SLC30A8: variants seen among roughly 807,000 people sequenced by gnomAD.
SLC30A8 encodes solute carrier family 30 member 8, also known as proton-coupled zinc antiporter SLC30A8.
SLC30A8 carries 27 observed loss-of-function variants against 36.9 expected under a neutral mutation model. The observed-to-expected ratio is 0.73, with a 90% CI of 0.54 to 1.01. The LOEUF is 1.01. Ranked by LOEUF, SLC30A8 falls within the 50% of genes least tolerant of loss-of-function variation. The pLI, the probability that SLC30A8 is intolerant of heterozygous loss-of-function variation, is 0.00. For synonymous variants in SLC30A8, 164 were observed against 172.4 expected, an observed-to-expected ratio of 0.95 and a Z score of 0.38; for missense variants, 439 against 452.0, an observed-to-expected ratio of 0.97 and a Z score of 0.26.
chr8:117,101,926 C>A (rs1819739295), intron 2 of SLC30A8, among the ~76,000 whole-genome samples: 1 of 152,152 alleles, frequency 6.6e-6, no homozygotes, highest in Admixed American at 6.6e-5. Flanking sequence ...CCTTAATAAA[C>A]TCCCCTTTAT....
chr8:117,012,684 A>ATG (rs141407793), intron 1 of SLC30A8, among the ~76,000 whole-genome samples: 3,308 of 133,402 alleles, frequency 0.025, 135 homozygotes, highest in African/African-American at 0.085. Flanking sequence ...GTGTGTGTGC[A>ATG]TGTGTGTGTG....
intron 1 of SLC30A8, among the ~76,000 whole-genome samples, chr8:117,011,258 C>T (rs1381961362): frequency 6.6e-6 from 1 of 152,198 alleles, no homozygotes; most frequent in Non-Finnish European, 1.5e-5. Flanking sequence ...AGTATGTGAA[C>T]CAACTCTCTT....
chr8:117,057,020 C>T (rs962482618), intron 2 of SLC30A8, among the ~76,000 whole-genome samples: 11 of 152,150 alleles, frequency 7.2e-5, no homozygotes, highest in African/African-American at 4.8e-5. Context: ...CCTTAGTCCA[C>T]TAGGGCTGCT....
intron 2 of SLC30A8, among the ~76,000 whole-genome samples, chr8:117,090,269 A>G (rs949170860): frequency 6.6e-6 from 1 of 152,082 alleles, no homozygotes; most frequent in African/African-American, 2.4e-5. Flanking sequence ...GCCAACTCCT[A>G]ATAAATTTTT....
intron 2 of SLC30A8, among the ~76,000 whole-genome samples, chr8:117,106,241 T>G (rs6998536): frequency 0.23 from 34,659 of 152,156 alleles, 4,110 homozygotes; most frequent in East Asian, 0.33. Flanking sequence ...TACTTAGTAT[T>G]ACTGTGGAAG....
In SLC30A8 at chr8:117,165,774, T is replaced by C. The variant is rs111454761; in HGVS notation, c.829+2244T>C. 3.1e-3 allele frequency among the ~76,000 whole-genome samples: 470 copies of C among 152,282 alleles called. 1 individual carries two copies. The highest frequency in any genetic ancestry group is 0.011 in the African/African-American group (451 of 41,548). On this transcript the variant is annotated intron_variant, in intron 6 of 7. Transcript: ENST00000456015. ...ATGGATCAAGAAAATGCAGTGTATATACACAATGGAATACTATTCAGCTAT... is the reference window on the plus strand; with the variant it reads ...ATGGATCAAGAAAATGCAGTGTATACACACAATGGAATACTATTCAGCTAT...
chr8:117,027,951 A>G lies in SLC30A8; in HGVS notation c.-265-11268A>G, dbSNP rs546130175. 1.2e-4 allele frequency among the ~76,000 whole-genome samples: 19 copies of G among 152,310 alleles called. No homozygotes were observed. In the South Asian group the frequency reaches 3.7e-3, roughly 30 times the overall value. ...AGCTGCTTCACGTATAAAATATTTC[A>G]TAGGATTATCCTGAGCTTAATTAAG... On this transcript the variant is annotated intron_variant, in intron 1 of 10. Coordinates refer to the SLC30A8 transcript ENST00000427715.
At position 117,038,268 on chromosome 8, in the gene SLC30A8, T is replaced by C. The variant is rs1295445159; in HGVS notation, c.-265-951T>C. Among the ~76,000 whole-genome samples the C allele has an allele frequency of 2.0e-5, 3 of 152,252 alleles. No individual in the cohort carries two copies. In the East Asian group the frequency reaches 5.8e-4, roughly 29 times the overall value. On this transcript the variant is annotated intron_variant, in intron 1 of 10. Transcript: ENST00000427715. ...CCCAGAGACAATTATTATTTCTAGC[T>C]TATTGTACATCTTTTTTTATTTTTA...
chr8:117,157,628 G>GGGTGTA, intron 3 of SLC30A8, 63 bp from the exon 4 acceptor site: 2 of 1,582,976 alleles, frequency 1.3e-6, no homozygotes, highest in South Asian at 1.1e-5. Context: ...TGACTCTTGG[G>GGGTGTA]GGTGTAGGTG....
chr8:116,979,191 A>AT (rs1272931486), intron 1 of SLC30A8, among the ~76,000 whole-genome samples: 2 of 128,656 alleles, frequency 1.6e-5, no homozygotes, highest in Non-Finnish European at 3.1e-5. Flanking sequence ...GTAAGCAGTG[A>AT]TTTTGCCATT....
intron 2 of SLC30A8, among the ~76,000 whole-genome samples, chr8:117,065,601 G>A (rs1398175298): frequency 3.3e-5 from 5 of 151,696 alleles, no homozygotes; most frequent in African/African-American, 1.2e-4. Context: ...TAATTCTTTG[G>A]AACTATCTCC....
At chr8:116,962,724 C>T (rs1814466208) in intron 1 of SLC30A8, among the ~76,000 whole-genome samples, 5 of 151,978 alleles carry the variant, frequency 3.3e-5, no homozygotes, top group Admixed American at 2.6e-4. Context: ...TCTAAAGGTG[C>T]TGCTTTTCAT....
In SLC30A8 at chr8:117,175,135, T is replaced by TTTAAG. The variant is rs2057659268; in HGVS notation, c.*2457_*2461dup. On this transcript the variant is annotated 3_prime_UTR_variant, in exon 8 of 8. Coordinates refer to ENST00000456015, the MANE Select transcript of SLC30A8 (RefSeq NM_173851.3). ...TGTCTTTTTTTTGTTATTGTTATAC[T>TTTAAG]TTAAGTTCTGGGGTACATGTGCGGA... 6.6e-6 allele frequency: 1 copy of TTTAAG among 152,132 alleles called. No individual in the cohort carries two copies. 9.4% of individuals were successfully genotyped at this position (152,132 alleles called of 1,614,324 possible). A position where few individuals can be genotyped will look rare whatever the true frequency, so the allele number is the denominator to read the frequency against.
intron 2 of SLC30A8, among the ~76,000 whole-genome samples, chr8:117,110,240 A>G (rs761667377): frequency 3.3e-5 from 5 of 151,904 alleles, no homozygotes; most frequent in Non-Finnish European, 7.4e-5. Flanking sequence ...TGAATTTTAT[A>G]GAGACTCAGC....
chr8:117,023,679 C>T (rs1364128439), intron 1 of SLC30A8, among the ~76,000 whole-genome samples: 1 of 137,080 alleles, frequency 7.3e-6, no homozygotes, highest in Non-Finnish European at 1.5e-5. Context: ...AATGAGAACT[C>T]ATGGACACAG....
In SLC30A8 at chr8:117,171,044, G is replaced by A; in HGVS notation, c.840G>A (p.Lys280=). The A allele has an allele frequency of 6.3e-7, 1 of 1,597,058 alleles. No homozygotes were observed. The highest frequency in any genetic ancestry group is 8.5e-7 in the Non-Finnish European group (1 of 1,172,318). The change falls in exon 7 of 8, where the codon AAG becomes AAA. Residue 280 remains lysine (K), a synonymous_variant. Coordinates refer to ENST00000456015, the MANE Select transcript of SLC30A8 (RefSeq NM_173851.3). ...FSILLMEGVP[K]SLNYSGVKEL... is the part of the protein sequence containing the mutation. The stretch of plus-strand genomic sequence containing the variant: ...CTTCCCTTTTGTCAGGTGTGCCAAA[G>A]AGCCTGAATTACAGTGGTGTGAAAG...
chr8:116,984,722 C>T (rs1291240244), intron 1 of SLC30A8, among the ~76,000 whole-genome samples: 1 of 151,894 alleles, frequency 6.6e-6, no homozygotes, highest in Non-Finnish European at 1.5e-5. Context: ...TTGAGAGCTC[C>T]TTGAGTTTTT....
chr8:117,000,205 G>A (rs1038463345), intron 1 of SLC30A8, among the ~76,000 whole-genome samples: 4 of 152,196 alleles, frequency 2.6e-5, no homozygotes, highest in African/African-American at 9.7e-5. Context: ...ATCAGAACAG[G>A]CCTGAGAGTC....
chr8:117,153,659 C>T (rs985867761), intron 3 of SLC30A8, among the ~76,000 whole-genome samples: 1 of 151,676 alleles, frequency 6.6e-6, no homozygotes, highest in Non-Finnish European at 1.5e-5. Flanking sequence ...TCCTTTCTTG[C>T]GCTGGTTCCT....
Sources: gnomAD v4.1 joint callset for allele counts (sites outside exome capture counted in the v4.1 genomes callset) on GRCh38, gnomAD v4.1.1 for gene constraint, MANE v1.5 for transcripts, NCBI Gene and HGNC (gene_info 2026-07-23, HGNC 2026-07-21) for gene names.